NECAB1: variants seen among roughly 807,000 people sequenced by gnomAD.
NECAB1 encodes N-terminal EF-hand calcium binding protein 1.
Under a neutral mutation model 57.5 loss-of-function variants are expected in NECAB1, and 29 were observed. The observed-to-expected ratio is 0.50, with a 90% CI of 0.38 to 0.69. The LOEUF is 0.69. Ranked by LOEUF, NECAB1 falls within the 30% of genes least tolerant of loss-of-function variation. NECAB1 has a pLI of 0.00. For synonymous variants in NECAB1, 142 were observed against 147.7 expected (o/e 0.96, Z 0.28); for missense variants, 372 against 413.8 (o/e 0.90, Z 0.88).
chr8:90,865,970 CT>C (rs1407048211), intron 3 of NECAB1, among the ~76,000 whole-genome samples: 1 of 152,176 alleles, frequency 6.6e-6, no homozygotes, highest in African/African-American at 2.4e-5. Flanking sequence ...TTCCTACAGT[CT>C]TTACTGTCCC....
At chr8:90,952,993 G>C (rs1178772730) in intron 12 of NECAB1, among the ~76,000 whole-genome samples, 5 of 152,102 alleles carry the variant, frequency 3.3e-5, no homozygotes, top group African/African-American at 1.2e-4. Flanking sequence ...ATGAAGGAAT[G>C]AATAGGACTT....
chr8:90,940,040 T>C (rs959752137), intron 9 of NECAB1, among the ~76,000 whole-genome samples: 4 of 152,262 alleles, frequency 2.6e-5, no homozygotes, highest in African/African-American at 9.6e-5. Context: ...CTAATGTTGA[T>C]ATCTAAAATT....
chr8:90,835,418 A>T (rs995112305), intron 3 of NECAB1, among the ~76,000 whole-genome samples: 1 of 152,102 alleles, frequency 6.6e-6, no homozygotes, highest in East Asian at 1.9e-4. Flanking sequence ...TCCCTCCACT[A>T]TCTGTCTATG....
At chr8:90,938,511 C>T (rs570054830) in intron 9 of NECAB1, among the ~76,000 whole-genome samples, 44 of 152,274 alleles carry the variant, frequency 2.9e-4, no homozygotes, top group African/African-American at 8.9e-4. Context: ...CAATTTGTTT[C>T]GGCCTAGCCG....
intron 3 of NECAB1, among the ~76,000 whole-genome samples, chr8:90,830,294 T>C (rs920375510): frequency 5.9e-5 from 9 of 152,016 alleles, no homozygotes; most frequent in African/African-American, 1.9e-4. Flanking sequence ...GCTGAAGTCT[T>C]GGAAAGCAGT....
intron 3 of NECAB1, among the ~76,000 whole-genome samples, chr8:90,830,665 C>T (rs1471324961): frequency 6.6e-6 from 1 of 152,112 alleles, no homozygotes; most frequent in Admixed American, 6.6e-5. Flanking sequence ...GCTGTGGAAA[C>T]TAGGCAGTGG....
At chr8:90,816,420 A>G (rs1812062325) in intron 2 of NECAB1, among the ~76,000 whole-genome samples, 1 of 151,874 alleles carries the variant, frequency 6.6e-6, no homozygotes, top group South Asian at 2.1e-4. Context: ...TCATCATTCA[A>G]ATCACGGTCA....
chr8:90,940,506 TA>T (rs1810643379), intron 9 of NECAB1: 2 of 314,208 alleles, frequency 6.4e-6, no homozygotes, highest in Non-Finnish European at 1.2e-5. Context: ...AAGATAATTT[TA>T]AAACTTCTCG....
intron 9 of NECAB1, 62 bp from the exon 10 acceptor site, chr8:90,940,724 G>A: frequency 8.2e-7 from 1 of 1,213,900 alleles, no homozygotes. Flanking sequence ...TGGGCAGTAG[G>A]AGTCAGCTTA....
At chr8:90,875,435 T>G (rs1305714328) in intron 4 of NECAB1, among the ~76,000 whole-genome samples, 1 of 133,640 alleles carries the variant, frequency 7.5e-6, no homozygotes, top group East Asian at 2.4e-4. Context: ...GAGCCGAGAT[T>G]GCGCCACTGC....
intron 5 of NECAB1, among the ~76,000 whole-genome samples, chr8:90,895,131 AG>A (rs1338466519): frequency 1.4e-4 from 22 of 152,254 alleles, no homozygotes; most frequent in Admixed American, 1.1e-3. Context: ...AATTATCAAA[AG>A]TAAACAGAAA....
At chr8:90,903,383 G>GA (rs141511083) in intron 5 of NECAB1, among the ~76,000 whole-genome samples, 4,917 of 152,034 alleles carry the variant, frequency 0.032, 258 homozygotes, top group African/African-American at 0.11. Flanking sequence ...TTTATCTGCA[G>GA]AAAAAAACAT....
chr8:90,906,891 A>ATATATATATATGTATGTATG (rs1554574080), intron 5 of NECAB1, among the ~76,000 whole-genome samples: 3,202 of 113,368 alleles, frequency 0.028, 114 homozygotes, highest in African/African-American at 0.054. Flanking sequence ...ATATATATAT[A>ATATATATATATGTATGTATG]TATATATATA....
At chr8:90,802,086 A>G (rs1006797989) in intron 2 of NECAB1, among the ~76,000 whole-genome samples, 4 of 152,222 alleles carry the variant, frequency 2.6e-5, no homozygotes, top group East Asian at 1.9e-4. Context: ...AATTATTACA[A>G]TACAAAGCTG....
chr8:90,818,598 T>C (rs540894988), intron 2 of NECAB1, among the ~76,000 whole-genome samples: 19 of 152,166 alleles, frequency 1.2e-4, no homozygotes, highest in African/African-American at 4.3e-4. Context: ...TAACTGCAAT[T>C]CTTCTCCTTA....
chr8:90,889,477 G>A (rs1244077168), intron 5 of NECAB1, among the ~76,000 whole-genome samples: 1 of 152,186 alleles, frequency 6.6e-6, no homozygotes, highest in Non-Finnish European at 1.5e-5. Flanking sequence ...TATATTGAAG[G>A]ATTTGTTAGT....
intron 5 of NECAB1, among the ~76,000 whole-genome samples, chr8:90,890,559 A>G (rs1165863751): frequency 1.3e-5 from 2 of 152,238 alleles, no homozygotes; most frequent in Non-Finnish European, 2.9e-5. Context: ...CCACATATAC[A>G]AATGTATATA....
intron 1 of NECAB1, among the ~76,000 whole-genome samples, chr8:90,796,121 T>G (rs1047629238): frequency 6.6e-6 from 1 of 152,246 alleles, no homozygotes; most frequent in Non-Finnish European, 1.5e-5. Flanking sequence ...CTTCTCTCCA[T>G]CCATCTTTCA....
At chr8:90,811,237 C>A (rs1971347) in intron 2 of NECAB1, among the ~76,000 whole-genome samples, 4 of 151,972 alleles carry the variant, frequency 2.6e-5, no homozygotes, top group South Asian at 2.1e-4. Flanking sequence ...AGGCGTGAGC[C>A]ACTGCACCTG....
Sources: gnomAD v4.1 joint callset for allele counts (sites outside exome capture counted in the v4.1 genomes callset) on GRCh38, gnomAD v4.1.1 for gene constraint, MANE v1.5 for transcripts, NCBI Gene and HGNC (gene_info 2026-07-23, HGNC 2026-07-21) for gene names.